Variants in COL17A1 observed in about 807,000 individuals in gnomAD.
COL17A1 encodes collagen alpha-1(XVII) chain.
A neutral mutation model predicts 218.4 loss-of-function variants in COL17A1; 181 were observed. The ratio of observed to expected loss-of-function variants is 0.83; its 90% CI spans 0.73 to 0.94. The LOEUF (loss-of-function observed/expected upper bound fraction) is 0.94. Ranked by LOEUF, COL17A1 falls within the 40% of genes least tolerant of loss-of-function variation. The pLI, the probability that COL17A1 is intolerant of heterozygous loss-of-function variation, is 0.00. For missense variants in COL17A1, 1,924 were observed against 1,945.9 expected (o/e 0.99, Z 0.21); for synonymous variants, 721 against 731.0 (o/e 0.99, Z 0.22).
In COL17A1 at chr10:104,032,008, G is replaced by GCAA. The variant is rs1254250105; in HGVS notation, c.*224_*226dup. 1 of 600,280 alleles carries GCAA rather than the reference G, an allele frequency of 1.7e-6. No individual in the cohort carries two copies. The highest frequency in any genetic ancestry group is 3.0e-6 in the Non-Finnish European group (1 of 336,840). 37.2% of individuals were successfully genotyped at this position (600,280 alleles called of 1,614,324 possible). A position where few individuals can be genotyped will look rare whatever the true frequency, so the allele number is the denominator to read the frequency against. Reference sequence around the variant, plus strand: ...GAAGTAAGTCTCATTCTAAAACATTGCAACTACTGTTAGAGTCCACCCCAT... The same window carrying GCAA: ...GAAGTAAGTCTCATTCTAAAACATTGCAACAACTACTGTTAGAGTCCACCCCAT... On this transcript the variant is annotated 3_prime_UTR_variant, in exon 56 of 56. Coordinates refer to ENST00000648076, the MANE Select transcript of COL17A1 (RefSeq NM_000494.4).
At chr10:104,068,674 T>A (rs912706368) in intron 9 of COL17A1, among the ~76,000 whole-genome samples, 1 of 152,174 alleles carries the variant, frequency 6.6e-6, no homozygotes, top group Admixed American at 6.5e-5. Context: ...GGGGAACTGA[T>A]CAAACAAGTT....
chr10:104,046,337 C>T (rs1272074976), intron 32 of COL17A1, among the ~76,000 whole-genome samples: 1 of 152,212 alleles, frequency 6.6e-6, no homozygotes, highest in African/African-American at 2.4e-5. Flanking sequence ...CAGGCTTTAA[C>T]ACTGAGGCTG....
chr10:104,036,431 T>G lies in COL17A1; in HGVS notation c.3418+61A>C, dbSNP rs2086299276. ...GGGGCAATCACAGGGAAGTTCACGC[T>G]GCGAGTCCTCATCCCAGTCATCCCA... On this transcript the variant is annotated intron_variant, in intron 48 of 55. Transcript: ENST00000648076. The G allele has an allele frequency of 8.1e-6, 13 of 1,609,352 alleles. No homozygotes were observed. In the South Asian group the frequency reaches 1.2e-4, roughly 15 times the overall value.
intron 14 of COL17A1, 67 bp from the exon 15 acceptor site, chr10:104,059,785 C>A: frequency 6.6e-7 from 1 of 1,521,664 alleles, no homozygotes; most frequent in Non-Finnish European, 9.1e-7. Flanking sequence ...TCCTGTGTTC[C>A]CCCCGCCCTT....
Position 104,055,794 on chromosome 10 carries a change from CCAT to C in COL17A1, c.1672_1674del (p.Met558del), listed in dbSNP as rs544472975. The C allele has an allele frequency of 3.5e-5, 56 of 1,614,134 alleles. No individual in the cohort carries two copies. The African/African-American group carries it at 7.1e-4, about 20-fold the overall frequency. On this transcript the variant is annotated inframe_deletion, in exon 18 of 56. Coordinates refer to ENST00000648076, the MANE Select transcript of COL17A1 (RefSeq NM_000494.4). The stretch of plus-strand genomic sequence containing the variant: ...GCGATGCTCTCACCATTTTCCTGTT[CCAT>C]CATTAGCTTCTTCCTCACGAACATC...
intron 4 of COL17A1, among the ~76,000 whole-genome samples, 195 bp from the exon 5 acceptor site, chr10:104,076,624 C>T (rs1035018846): frequency 2.6e-5 from 4 of 152,196 alleles, no homozygotes; most frequent in Non-Finnish European, 5.9e-5. Context: ...AACGTCCTTC[C>T]TGTGCATGGT....
chr10:104,058,362 T>C (rs2086551437), intron 15 of COL17A1, among the ~76,000 whole-genome samples, 172 bp from the exon 16 acceptor site: 1 of 152,212 alleles, frequency 6.6e-6, no homozygotes, highest in South Asian at 2.1e-4. Context: ...GATAATTACA[T>C]CCATGAAGAC....
intron 23 of COL17A1, 22 bp downstream of exon 23, chr10:104,053,009 C>A (rs376739915): frequency 6.2e-7 from 1 of 1,613,158 alleles, no homozygotes; most frequent in African/African-American, 1.3e-5. Context: ...CTAACTCTGC[C>A]GGTGAAGGAA....
chr10:104,050,977 TGCACACATACAG>T (rs1181950061), intron 25 of COL17A1, 76 bp from the exon 26 acceptor site: 4 of 1,607,612 alleles, frequency 2.5e-6, no homozygotes, highest in Non-Finnish European at 3.4e-6. Context: ...TGCACACACA[TGCACACATACAG>T]GCACACATAT....
At chr10:104,034,461 T>C (rs745928521) in intron 51 of COL17A1, 127 bp from the exon 52 acceptor site, 12 of 1,472,234 alleles carry the variant, frequency 8.2e-6, no homozygotes, top group African/African-American at 1.4e-5. Flanking sequence ...AGGGTTCTTG[T>C]ACCCGAGTGG....
chr10:104,057,524 G>A (rs1033661785), intron 16 of COL17A1, among the ~76,000 whole-genome samples: 7 of 120,190 alleles, frequency 5.8e-5, no homozygotes, highest in Non-Finnish European at 1.1e-4. Flanking sequence ...AGCACAGCAC[G>A]AGGCTTAAAC....
At position 104,059,732 on chromosome 10, in the gene COL17A1, C is replaced by T; in HGVS notation, c.1142-14G>A. 6.2e-7 allele frequency: 1 copy of T among 1,612,704 alleles called. No individual in the cohort carries two copies. The highest frequency in any genetic ancestry group is 8.5e-7 in the Non-Finnish European group (1 of 1,178,784). ...CTGAAAAAGAAGCTATGTACAGAAC[C>T]CATTATAACCTGGCATATTCTCTTC... On this transcript the variant is annotated splice_polypyrimidine_tract_variant and intron_variant, in intron 14 of 55. Transcript: ENST00000648076.
Position 104,076,402 on chromosome 10 carries a change from G to A in COL17A1, c.230C>T (p.Thr77Ile), listed in dbSNP as rs773524594. 6.2e-7 allele frequency: 1 copy of A among 1,614,166 alleles called. No homozygotes were observed. Among genetic ancestry groups the A allele is most frequent in the Non-Finnish European group, 8.5e-7 (1 of 1,180,016 alleles). The change falls in exon 5 of 56, where the codon ACC becomes ATC. Residue 77 changes from threonine to isoleucine, a missense_variant. Coordinates refer to ENST00000648076, the MANE Select transcript of COL17A1 (RefSeq NM_000494.4). ...STGSTRGHAS[T>I]SSYRRAHSPA... ...TGAGTGAGCCCTCCTGTAACTAGAG[G>A]TGGAGGCATGGCCTCGTGTGCTTCC...
At position 104,058,165 on chromosome 10, in the gene COL17A1, C is replaced by T. The variant is rs1448332495; in HGVS notation, c.1248G>A (p.Lys416=). The change falls in exon 16 of 56, where the codon AAG becomes AAA. Residue 416 remains lysine, a synonymous_variant. Transcript: ENST00000648076. ...ACCCACCTGCAGTGGTGGTCTTGCC[C>T]TTTGTGGACACAGTCTTCAGGTCTC... is the stretch of plus-strand genomic sequence containing the variant. ...ANGDLKTVST[K]GKTTTADIHS... is the part of the protein sequence containing the mutation. 1.2e-6 allele frequency: 2 copies of T among 1,614,210 alleles called. No individual in the cohort carries two copies. The highest frequency in any genetic ancestry group is 2.2e-5 in the East Asian group (1 of 44,878).
chr10:104,078,714 G>A (rs1369290729), intron 2 of COL17A1, 128 bp from the exon 3 acceptor site: 4 of 1,279,862 alleles, frequency 3.1e-6, no homozygotes, highest in African/African-American at 3.0e-5. Context: ...TTCTATCCTT[G>A]TGCTTTAAGG....
Position 104,070,434 on chromosome 10 carries a change from G to A in COL17A1, c.599C>T (p.Ser200Phe). 6.2e-7 allele frequency: 1 copy of A among 1,613,610 alleles called. No homozygotes were observed. Among genetic ancestry groups the A allele is most frequent in the Non-Finnish European group, 8.5e-7 (1 of 1,180,022 alleles). The change falls in exon 9 of 56, where the codon TCC becomes TTC. Residue 200 changes from serine to phenylalanine, a missense_variant. By Grantham distance (155) the Ser-to-Phe change is radical. Coordinates refer to ENST00000648076, the MANE Select transcript of COL17A1 (RefSeq NM_000494.4). ...TGGGCTGTCAGACTTACCCGACTGG[G>A]AGCTCGCTGTCACAATTTTGGTCTC... ...TVETKIVTAS[S>F]QSVSGTYDAT...
In COL17A1 at chr10:104,039,790, ACACACG is replaced by A. The variant is rs772342448; in HGVS notation, c.2789-156_2789-151del. ...GCCACACACACACACACACACACAC[ACACACG>A]CACACGCACACTTGCACTACACCCA... On this transcript the variant is annotated intron_variant, in intron 41 of 55. Coordinates refer to ENST00000648076, the MANE Select transcript of COL17A1 (RefSeq NM_000494.4). 0.017 allele frequency: 14,947 copies of A among 857,614 alleles called. 241 individuals are homozygous for A. Among genetic ancestry groups the A allele is most frequent in the Middle Eastern group, 0.051 (179 of 3,476 alleles). 53.1% of individuals were successfully genotyped at this position (857,614 alleles called of 1,614,324 possible). A position where few individuals can be genotyped will look rare whatever the true frequency, so the allele number is the denominator to read the frequency against.
Position 104,038,478 on chromosome 10 carries a change from G to T in COL17A1, c.2998C>A (p.Pro1000Thr), listed in dbSNP as rs1313617652. The stretch of plus-strand genomic sequence containing the variant: ...CTGATAGAGCCCGGAGGCCCAGGGG[G>T]CCCAGGGGGCCCTGGCGGGCCTGAC... The part of the protein sequence containing the change: ...YVSGPPGPPG[P>T]PGPPGSISSS... The change falls in exon 45 of 56, where the codon CCC becomes ACC. Residue 1000 changes from proline (P) to threonine (T), a missense_variant. Physicochemically the swap from Pro to Thr is conservative, Grantham distance 38 (BLOSUM62 -1). Coordinates refer to ENST00000648076, the MANE Select transcript of COL17A1 (RefSeq NM_000494.4). The T allele has an allele frequency of 5.0e-6, 8 of 1,613,774 alleles. No homozygotes were observed. Among genetic ancestry groups the T allele is most frequent in the African/African-American group, 1.3e-5 (1 of 74,888 alleles).
intron 10 of COL17A1, among the ~76,000 whole-genome samples, 190 bp downstream of exon 10, chr10:104,064,248 C>T (rs758390469): frequency 3.9e-5 from 6 of 152,242 alleles, no homozygotes; most frequent in East Asian, 1.9e-4. Context: ...CTAAAGGGGA[C>T]GCACCAGAAG....
Sources: allele counts gnomAD v4.1 joint callset (sites outside exome capture counted in the v4.1 genomes callset), GRCh38; gene constraint gnomAD v4.1.1; transcripts MANE v1.5; gene names NCBI Gene and HGNC (gene_info 2026-07-23, HGNC 2026-07-21).